Variants in ARB2A observed in about 807,000 individuals in gnomAD.
The protein encoded by ARB2A is cotranscriptional regulator ARB2A.
At chr5:93,687,708 T>C in the ARB2A span, among the ~76,000 whole-genome samples, 15 of 152,220 alleles carry the variant, frequency 9.9e-5, no homozygotes, top group African/African-American at 3.1e-4. Context: ...TTTGGAAGTC[T>C]GTGCACACTG....
chr5:93,675,845 C>T, the ARB2A span, among the ~76,000 whole-genome samples: 5 of 152,168 alleles, frequency 3.3e-5, no homozygotes, highest in South Asian at 1.0e-3. Context: ...ATTCAATTAG[C>T]ATGCTTCAGA....
chr5:93,688,502 A>G, the ARB2A span, among the ~76,000 whole-genome samples: 1 of 151,250 alleles, frequency 6.6e-6, no homozygotes, highest in African/African-American at 2.4e-5. Context: ...ATAAACTAAA[A>G]CCTCTGTTGA....
At chr5:93,844,933 C>T in the ARB2A span, among the ~76,000 whole-genome samples, 1 of 152,296 alleles carries the variant, frequency 6.6e-6, no homozygotes, top group African/African-American at 2.4e-5. Flanking sequence ...CAGCTGAGGA[C>T]ATTTATTACA....
At chr5:94,109,937 T>C in the ARB2A span, among the ~76,000 whole-genome samples, 1 of 143,080 alleles carries the variant, frequency 7.0e-6, no homozygotes, top group Non-Finnish European at 1.5e-5. Flanking sequence ...CAGGCTGGAG[T>C]GCAGTGGCAT....
At chr5:93,657,160 G>T in the ARB2A span, among the ~76,000 whole-genome samples, 6 of 152,142 alleles carry the variant, frequency 3.9e-5, no homozygotes, top group African/African-American at 1.2e-4. Flanking sequence ...CCTCTCTCAG[G>T]CCACAGATAA....
chr5:93,842,974 C>A, the ARB2A span, among the ~76,000 whole-genome samples: 3 of 152,172 alleles, frequency 2.0e-5, no homozygotes, highest in Non-Finnish European at 4.4e-5. Context: ...CCCAAACCCC[C>A]GGGCCTTCAT....
chr5:93,628,520 A>G, the ARB2A span, among the ~76,000 whole-genome samples: 3 of 152,204 alleles, frequency 2.0e-5, no homozygotes, highest in Non-Finnish European at 2.9e-5. Flanking sequence ...CCTAGATGGC[A>G]TCTTCTTCCA....
the ARB2A span, among the ~76,000 whole-genome samples, chr5:93,656,516 C>T: frequency 2.6e-5 from 4 of 152,032 alleles, no homozygotes; most frequent in East Asian, 1.9e-4. Context: ...AGTATTCTCA[C>T]GAAAAAGCTC....
the ARB2A span, among the ~76,000 whole-genome samples, chr5:93,696,255 T>C: frequency 1.3e-5 from 2 of 152,220 alleles, no homozygotes; most frequent in Non-Finnish European, 2.9e-5. Flanking sequence ...TTTTATTTTC[T>C]TCCTTCTCCA....
At chr5:93,618,107 AAATAT>A in the ARB2A span, 15 of 152,066 alleles carry the variant, frequency 9.9e-5, no homozygotes, top group Admixed American at 2.6e-4. Context: ...ATGGAAATGG[AAATAT>A]AATATACAGG....
chr5:93,995,508 C>T, the ARB2A span, among the ~76,000 whole-genome samples: 3 of 152,106 alleles, frequency 2.0e-5, no homozygotes, highest in South Asian at 6.2e-4. Flanking sequence ...TGGTTGACTG[C>T]CATCTGAGAA....
the ARB2A span, among the ~76,000 whole-genome samples, chr5:93,662,095 T>C: frequency 6.6e-6 from 1 of 152,278 alleles, no homozygotes; most frequent in East Asian, 1.9e-4. Flanking sequence ...ATGAGTACTC[T>C]CACAATACCC....
the ARB2A span, among the ~76,000 whole-genome samples, chr5:93,775,452 A>T: frequency 6.6e-6 from 1 of 152,212 alleles, no homozygotes; most frequent in Admixed American, 6.5e-5. Context: ...CCAGAAAGCT[A>T]ACAAATGTCA....
At chr5:93,748,658 A>G in the ARB2A span, among the ~76,000 whole-genome samples, 288 of 152,262 alleles carry the variant, frequency 1.9e-3, 1 homozygote, top group Non-Finnish European at 3.2e-3. Flanking sequence ...GAAACCATGC[A>G]AAGTGATCAT....
At chr5:94,050,881 TA>T in the ARB2A span, 1 of 1,249,162 alleles carries the variant, frequency 8.0e-7, no homozygotes, top group Non-Finnish European at 1.1e-6. Context: ...ATATTGACAA[TA>T]ATATAAACAG....
chr5:93,875,564 A>G, the ARB2A span, among the ~76,000 whole-genome samples: 5 of 152,104 alleles, frequency 3.3e-5, no homozygotes, highest in Non-Finnish European at 1.5e-5. Context: ...TCTCCATACT[A>G]TATCTCTACA....
chr5:93,778,098 A>G, the ARB2A span, among the ~76,000 whole-genome samples: 2 of 152,212 alleles, frequency 1.3e-5, no homozygotes, highest in Non-Finnish European at 2.9e-5. Context: ...TTTAAAATGG[A>G]TAAAATATTA....
At chr5:93,899,665 T>C in the ARB2A span, among the ~76,000 whole-genome samples, 2 of 152,172 alleles carry the variant, frequency 1.3e-5, no homozygotes, top group Non-Finnish European at 2.9e-5. Flanking sequence ...CTTTAACAGT[T>C]AGACTGTAAG....
chr5:93,684,082 G>A, the ARB2A span, among the ~76,000 whole-genome samples: 46 of 152,144 alleles, frequency 3.0e-4, no homozygotes, highest in African/African-American at 8.9e-4. Flanking sequence ...AGCAATGACC[G>A]TGTCAAACTC....
Sources: allele counts gnomAD v4.1 joint callset (sites outside exome capture counted in the v4.1 genomes callset), GRCh38; gene constraint gnomAD v4.1.1; transcripts MANE v1.5; gene names NCBI Gene and HGNC (gene_info 2026-07-23, HGNC 2026-07-21).